TMEM117: variants seen among roughly 807,000 people sequenced by gnomAD.
TMEM117 encodes the protein transmembrane protein 117.
TMEM117 carries 27 observed loss-of-function variants against 52.4 expected under a neutral mutation model. That is an observed-to-expected ratio of 0.51 (90% CI 0.38 to 0.71). The LOEUF is 0.71. TMEM117 is among the 30% of genes least tolerant of loss of function. The pLI, the probability that TMEM117 is intolerant of heterozygous loss-of-function variation, is 0.00. For missense variants in TMEM117, 556 were observed against 630.5 expected (o/e 0.88, Z 1.26); for synonymous variants, 215 against 206.3 (o/e 1.04, Z -0.36).
intron 3 of TMEM117, among the ~76,000 whole-genome samples, chr12:44,095,694 T>C (rs1947746927): frequency 6.6e-6 from 1 of 152,084 alleles, no homozygotes; most frequent in Non-Finnish European, 1.5e-5. Flanking sequence ...TTCATTTTCA[T>C]GACTCAAAGA....
At chr12:44,072,892 C>T (rs1004591596) in intron 3 of TMEM117, among the ~76,000 whole-genome samples, 1 of 152,096 alleles carries the variant, frequency 6.6e-6, no homozygotes, top group Non-Finnish European at 1.5e-5. Flanking sequence ...GAGATCGAGA[C>T]CATCCTGGCC....
At chr12:44,066,178 T>A (rs1947219001) in intron 3 of TMEM117, among the ~76,000 whole-genome samples, 1 of 152,172 alleles carries the variant, frequency 6.6e-6, no homozygotes, top group African/African-American at 2.4e-5. Context: ...TGTTTACACA[T>A]CCAGTCAGTT....
chr12:43,964,780 A>G (rs1214974855), intron 3 of TMEM117, among the ~76,000 whole-genome samples: 2 of 152,214 alleles, frequency 1.3e-5, no homozygotes, highest in African/African-American at 2.4e-5. Flanking sequence ...ACATTCTGAT[A>G]CGGTCACTAC....
chr12:44,163,804 C>T (rs73290243), intron 4 of TMEM117, among the ~76,000 whole-genome samples: 11,837 of 152,266 alleles, frequency 0.078, 1,394 homozygotes, highest in African/African-American at 0.26. Flanking sequence ...AGGTATCACC[C>T]TGGTTACTTT....
chr12:44,324,788 T>G (rs1951174949), intron 6 of TMEM117, among the ~76,000 whole-genome samples: 1 of 152,184 alleles, frequency 6.6e-6, no homozygotes, highest in South Asian at 2.1e-4. Flanking sequence ...CCCAAGATCA[T>G]TTTAATGAAT....
At chr12:43,960,301 G>T (rs1945380824) in intron 3 of TMEM117, among the ~76,000 whole-genome samples, 1 of 151,676 alleles carries the variant, frequency 6.6e-6, no homozygotes, top group African/African-American at 2.4e-5. Context: ...GAGGGGGGTT[G>T]AGTAAGGGGA....
the TMEM117 span, among the ~76,000 whole-genome samples, chr12:43,824,321 C>T: frequency 6.6e-6 from 1 of 152,154 alleles, no homozygotes; most frequent in African/African-American, 2.4e-5. Context: ...CCCAGGTGTC[C>T]AGCTAATTTG....
intron 1 of TMEM117, among the ~76,000 whole-genome samples, chr12:43,838,642 A>G (rs569798635): frequency 1.5e-4 from 21 of 143,994 alleles, no homozygotes; most frequent in African/African-American, 5.0e-4. Flanking sequence ...TAGAGGGCCT[A>G]CTAGATTCAA....
intron 5 of TMEM117, among the ~76,000 whole-genome samples, chr12:44,225,029 A>T (rs1949842737): frequency 6.6e-6 from 1 of 152,120 alleles, no homozygotes; most frequent in Non-Finnish European, 1.5e-5. Context: ...TGCATGATTT[A>T]TTCATACTTG....
intron 6 of TMEM117, among the ~76,000 whole-genome samples, chr12:44,336,695 A>T (rs971698754): frequency 3.3e-5 from 5 of 151,600 alleles, no homozygotes; most frequent in African/African-American, 1.2e-4. Context: ...AGCCTGTTTT[A>T]AAAAAAACCA....
intron 5 of TMEM117, among the ~76,000 whole-genome samples, chr12:44,296,397 C>T (rs191186352): frequency 6.6e-6 from 1 of 152,150 alleles, no homozygotes; most frequent in Non-Finnish European, 1.5e-5. Flanking sequence ...TCCAGGGTCA[C>T]AGACAAATGT....
chr12:44,128,021 A>G (rs1948354837), intron 3 of TMEM117, among the ~76,000 whole-genome samples: 1 of 152,234 alleles, frequency 6.6e-6, no homozygotes, highest in Admixed American at 6.5e-5. Flanking sequence ...TATGAAATAA[A>G]TAATATTAGG....
the TMEM117 span, among the ~76,000 whole-genome samples, chr12:43,815,493 G>T: frequency 6.6e-6 from 1 of 152,188 alleles, no homozygotes; most frequent in Non-Finnish European, 1.5e-5. Context: ...CACAGGAGAG[G>T]TGTTATAAGG....
At chr12:44,271,640 A>G (rs1440423136) in intron 5 of TMEM117, among the ~76,000 whole-genome samples, 3 of 152,142 alleles carry the variant, frequency 2.0e-5, no homozygotes, top group Non-Finnish European at 4.4e-5. Flanking sequence ...ACCTGAAACT[A>G]TAAAACTACT....
chr12:44,381,512 T>C (rs1443148805), intron 7 of TMEM117, among the ~76,000 whole-genome samples: 2 of 152,118 alleles, frequency 1.3e-5, no homozygotes, highest in Non-Finnish European at 2.9e-5. Context: ...AAGTGTCCCA[T>C]TGGTGGCCAT....
chr12:44,154,915 A>T (rs769715396), intron 4 of TMEM117, among the ~76,000 whole-genome samples: 2 of 152,000 alleles, frequency 1.3e-5, no homozygotes, highest in African/African-American at 2.4e-5. Flanking sequence ...TGACAACTTC[A>T]ATTGACTATT....
chr12:44,387,807 G>C (rs191681757), intron 7 of TMEM117, among the ~76,000 whole-genome samples: 16 of 152,190 alleles, frequency 1.1e-4, no homozygotes, highest in Non-Finnish European at 2.1e-4. Context: ...TACTGGCTCA[G>C]GGACCTACAG....
At chr12:43,832,904 C>T (rs571223850), upstream of TMEM117, among the ~76,000 whole-genome samples, 3 of 152,274 alleles carry the variant, frequency 2.0e-5, no homozygotes, top group Non-Finnish European at 4.4e-5. Context: ...ATACAATAAG[C>T]CTTCAATAAG....
intron 3 of TMEM117, among the ~76,000 whole-genome samples, chr12:44,131,940 T>G (rs1317088819): frequency 1.3e-5 from 2 of 152,130 alleles, no homozygotes; most frequent in Admixed American, 1.3e-4. Flanking sequence ...TCTGTTTTGT[T>G]CCTTGTTTTT....
Sources: gnomAD v4.1 joint callset for allele counts (sites outside exome capture counted in the v4.1 genomes callset) on GRCh38, gnomAD v4.1.1 for gene constraint, MANE v1.5 for transcripts, NCBI Gene and HGNC (gene_info 2026-07-23, HGNC 2026-07-21) for gene names.